CIMAP2: variants seen among roughly 807,000 people sequenced by gnomAD.
The protein encoded by CIMAP2 is ciliary microtubule associated protein 2, also known as ciliary microtubule-associated protein 2.
the CIMAP2 span, among the ~76,000 whole-genome samples, chr1:54,819,391 T>A: frequency 6.6e-6 from 1 of 152,174 alleles, no homozygotes; most frequent in Non-Finnish European, 1.5e-5. Context: ...CATGTCTAGA[T>A]GGGATCTCAT....
chr1:54,832,519 G>A, the CIMAP2 span, among the ~76,000 whole-genome samples: 7 of 152,166 alleles, frequency 4.6e-5, no homozygotes, highest in African/African-American at 1.7e-4. Context: ...GGAAAATCAA[G>A]TTTAGAGTTA....
the CIMAP2 span, among the ~76,000 whole-genome samples, chr1:54,824,022 T>C: frequency 6.6e-6 from 1 of 151,996 alleles, no homozygotes; most frequent in African/African-American, 2.4e-5. Context: ...GTTTCTGCTG[T>C]TTTGGACTTT....
chr1:54,807,609 G>T, the CIMAP2 span: 2 of 1,610,090 alleles, frequency 1.2e-6, no homozygotes, highest in Non-Finnish European at 8.5e-7. Flanking sequence ...ACACAGGCTG[G>T]GCCAAGGCCC....
chr1:54,840,546 G>A, the CIMAP2 span, among the ~76,000 whole-genome samples: 1 of 152,162 alleles, frequency 6.6e-6, no homozygotes, highest in Admixed American at 6.5e-5. Flanking sequence ...GTATAACTTT[G>A]TAAGAAGCTG....
At chr1:54,811,765 G>GCGGGGGGGGGGGGGGGCCCCCCCCCC in the CIMAP2 span, 1 of 1,301,322 alleles carries the variant, frequency 7.7e-7, no homozygotes, top group Non-Finnish European at 1.1e-6. Flanking sequence ...GGTTCTGACA[G>GCGGGGGGGGGGGGGGGCCCCCCCCCC]CCTCCATGCC....
chr1:54,810,176 T>C, the CIMAP2 span, among the ~76,000 whole-genome samples: 1 of 152,200 alleles, frequency 6.6e-6, no homozygotes, highest in Non-Finnish European at 1.5e-5. Flanking sequence ...TCCCAGGTCC[T>C]GTGGTGCTCA....
chr1:54,839,447 G>A, the CIMAP2 span, among the ~76,000 whole-genome samples: 2 of 151,582 alleles, frequency 1.3e-5, no homozygotes, highest in African/African-American at 2.4e-5. Flanking sequence ...GCGCGATCTC[G>A]GCTCACTCTA....
At chr1:54,828,472 C>T in the CIMAP2 span, among the ~76,000 whole-genome samples, 1 of 152,100 alleles carries the variant, frequency 6.6e-6, no homozygotes, top group African/African-American at 2.4e-5. Context: ...GCTGGGACTA[C>T]AGGCATGTGC....
At chr1:54,841,959 TG>T in the CIMAP2 span, 1 of 1,374,220 alleles carries the variant, frequency 7.3e-7, no homozygotes, top group East Asian at 2.5e-5. Flanking sequence ...GGCATGGGAG[TG>T]GGGTGTCTTA....
chr1:54,819,980 C>CTT, the CIMAP2 span, among the ~76,000 whole-genome samples: 10,969 of 111,078 alleles, frequency 0.099, 722 homozygotes, highest in Admixed American at 0.15. Context: ...CTTTCTTTTT[C>CTT]TCTCTTTCTT....
At chr1:54,829,467 G>T in the CIMAP2 span, among the ~76,000 whole-genome samples, 3 of 152,110 alleles carry the variant, frequency 2.0e-5, no homozygotes, top group African/African-American at 7.2e-5. Context: ...TGCCCTACTT[G>T]GGCTCCTGGC....
chr1:54,806,138 G>A, the CIMAP2 span: 50 of 1,545,484 alleles, frequency 3.2e-5, no homozygotes, highest in Middle Eastern at 1.7e-4. Context: ...CCAGGATGCC[G>A]CCGGAGCTCA....
At chr1:54,810,849 G>A in the CIMAP2 span, among the ~76,000 whole-genome samples, 1 of 152,162 alleles carries the variant, frequency 6.6e-6, no homozygotes, top group Non-Finnish European at 1.5e-5. Context: ...GACTTCTCAT[G>A]TGCCAGTGTC....
At chr1:54,838,659 A>G in the CIMAP2 span, among the ~76,000 whole-genome samples, 416 of 152,062 alleles carry the variant, frequency 2.7e-3, 4 homozygotes, top group African/African-American at 9.5e-3. Flanking sequence ...GTGGCTTAAA[A>G]CAATAGCCAT....
At chr1:54,820,553 A>T in the CIMAP2 span, among the ~76,000 whole-genome samples, 1 of 152,122 alleles carries the variant, frequency 6.6e-6, no homozygotes, top group East Asian at 1.9e-4. Context: ...CACCAAAAGC[A>T]TGTAAGAGCT....
chr1:54,840,697 C>G, the CIMAP2 span, among the ~76,000 whole-genome samples: 1 of 152,178 alleles, frequency 6.6e-6, no homozygotes, highest in East Asian at 1.9e-4. Flanking sequence ...TAGTATATTT[C>G]ATTATGGTTT....
At chr1:54,839,195 T>C in the CIMAP2 span, among the ~76,000 whole-genome samples, 2 of 152,114 alleles carry the variant, frequency 1.3e-5, no homozygotes, top group East Asian at 3.9e-4. Flanking sequence ...TCAGGACATA[T>C]CTGGGCAATA....
the CIMAP2 span, among the ~76,000 whole-genome samples, chr1:54,810,596 C>T: frequency 2.0e-5 from 3 of 152,326 alleles, no homozygotes; most frequent in Admixed American, 6.5e-5. Context: ...TCCCCAGGGC[C>T]GGGTTCCAGG....
At chr1:54,822,797 T>C in the CIMAP2 span, among the ~76,000 whole-genome samples, 1 of 152,366 alleles carries the variant, frequency 6.6e-6, no homozygotes, top group East Asian at 1.9e-4. Flanking sequence ...TGAGACACTA[T>C]GCCTGGCCTC....
Sources: gnomAD v4.1 joint callset for allele counts (sites outside exome capture counted in the v4.1 genomes callset) on GRCh38, gnomAD v4.1.1 for gene constraint, MANE v1.5 for transcripts, NCBI Gene and HGNC (gene_info 2026-07-23, HGNC 2026-07-21) for gene names.